Variants in KLF13 observed in about 807,000 individuals in gnomAD.
KLF13 encodes the protein Krueppel-like factor 13.
KLF13 carries 8 observed loss-of-function variants against 16.7 expected under a neutral mutation model. The observed-to-expected ratio is 0.48, with a 90% CI of 0.28 to 0.87. The LOEUF is 0.87. Ranked by LOEUF, KLF13 falls within the 40% of genes least tolerant of loss-of-function variation. KLF13 has a pLI of 0.10. For missense variants in KLF13, 447 were observed against 452.2 expected (o/e 0.99, Z 0.10); for synonymous variants, 245 against 208.4 (o/e 1.18, Z -1.51).
chr15:31,338,573 C>G (rs888360116), intron 1 of KLF13, among the ~76,000 whole-genome samples: 2 of 152,138 alleles, frequency 1.3e-5, no homozygotes, highest in African/African-American at 4.8e-5. Context: ...CAGTGCGTGC[C>G]CAGCCGTGGC....
downstream of KLF13, among the ~76,000 whole-genome samples, chr15:31,405,207 T>G (rs1278957386): frequency 6.6e-6 from 1 of 152,018 alleles, no homozygotes; most frequent in Admixed American, 6.6e-5. Context: ...CCAGCTACTC[T>G]GGAGGCTGAG....
At chr15:31,328,096 C>A (rs903230965) in intron 1 of KLF13, among the ~76,000 whole-genome samples, 2 of 149,318 alleles carry the variant, frequency 1.3e-5, no homozygotes, top group Non-Finnish European at 3.0e-5. Flanking sequence ...GCGGGGACCC[C>A]TCCCGGCCGG....
chr15:31,385,332 G>A (rs1184425123), intron 1 of KLF13, among the ~76,000 whole-genome samples: 7 of 152,252 alleles, frequency 4.6e-5, no homozygotes, highest in Non-Finnish European at 7.3e-5. Flanking sequence ...AGGTGACTGA[G>A]AGGGGCCCAA....
intron 1 of KLF13, among the ~76,000 whole-genome samples, chr15:31,387,481 C>A (rs1307101655): frequency 6.6e-6 from 1 of 152,200 alleles, no homozygotes; most frequent in Admixed American, 6.5e-5. Context: ...ACTTAATAGG[C>A]TACAGTATAG....
chr15:31,385,177 C>T (rs1027913399), intron 1 of KLF13, among the ~76,000 whole-genome samples: 1 of 152,200 alleles, frequency 6.6e-6, no homozygotes, highest in African/African-American at 2.4e-5. Flanking sequence ...TTGGACTTCC[C>T]TGCCTCTAGA....
chr15:31,387,291 C>CA (rs763878411), intron 1 of KLF13, among the ~76,000 whole-genome samples: 58 of 152,284 alleles, frequency 3.8e-4, no homozygotes, highest in Non-Finnish European at 3.8e-4. Flanking sequence ...CACAGCCACC[C>CA]AAACCTCAGC....
intron 1 of KLF13, among the ~76,000 whole-genome samples, chr15:31,430,540 C>T (rs1279179924): frequency 6.6e-6 from 1 of 152,110 alleles, no homozygotes; most frequent in Non-Finnish European, 1.5e-5. Context: ...GAGTAAAATA[C>T]CCTTGAAAAC....
chr15:31,342,521 G>A (rs1345509147), intron 1 of KLF13, among the ~76,000 whole-genome samples: 2 of 152,204 alleles, frequency 1.3e-5, no homozygotes, highest in Non-Finnish European at 2.9e-5. Context: ...TCCTTCAAGT[G>A]GGGCGAGCTC....
chr15:31,340,186 G>C (rs2038998458), intron 1 of KLF13, among the ~76,000 whole-genome samples: 1 of 152,248 alleles, frequency 6.6e-6, no homozygotes, highest in Admixed American at 6.5e-5. Flanking sequence ...GTTGGGCTGG[G>C]CTGCCTTGTG....
At position 31,373,305 on chromosome 15, in the gene KLF13, G is replaced by A. The variant is rs966692482; in HGVS notation, c.*1006G>A. 3 of 152,294 alleles carry A rather than the reference G, an allele frequency of 2.0e-5. No individual in the cohort carries two copies. Among genetic ancestry groups the A allele is most frequent in the African/African-American group, 4.8e-5 (2 of 41,478 alleles). 9.4% of individuals were successfully genotyped at this position (152,294 alleles called of 1,614,324 possible). ...TCCTCATCAGAGGGTCTGTGTGAGC[G>A]GCTGTGCATGTGGCAGCGCACCATG... On this transcript the variant is annotated 3_prime_UTR_variant, in exon 2 of 2. Transcript: ENST00000307145.
At chr15:31,355,767 T>A (rs1595468643) in intron 1 of KLF13, among the ~76,000 whole-genome samples, 1 of 152,000 alleles carries the variant, frequency 6.6e-6, no homozygotes, top group East Asian at 1.9e-4. Flanking sequence ...CGTGTTTCTT[T>A]CCCTTAGACT....
intron 1 of KLF13, among the ~76,000 whole-genome samples, chr15:31,356,100 C>T (rs749099310): frequency 3.3e-5 from 5 of 152,202 alleles, no homozygotes; most frequent in South Asian, 2.1e-4. Flanking sequence ...TTGCATGTCA[C>T]GGGGTTTGAT....
Position 31,358,103 on chromosome 15 carries a change from G to A in KLF13, c.578-13907G>A, listed in dbSNP as rs547752118. ...GTAAGGTAAGCACTAGGTAGGGGGC[G>A]GCTGAGAGTTGTCCAGCTGTTGGGC... On this transcript the variant is annotated intron_variant, in intron 1 of 1. Transcript: ENST00000307145. Among the ~76,000 whole-genome samples, 7 of 152,236 alleles carry A rather than the reference G, an allele frequency of 4.6e-5. No homozygotes were observed. In the East Asian group the frequency reaches 9.6e-4, roughly 21 times the overall value.
intron 1 of KLF13, among the ~76,000 whole-genome samples, chr15:31,345,441 C>T (rs1490534037): frequency 6.6e-6 from 1 of 152,210 alleles, no homozygotes; most frequent in African/African-American, 2.4e-5. Context: ...CTTTCCCATT[C>T]GGGCACCTGC....
intron 1 of KLF13, among the ~76,000 whole-genome samples, chr15:31,333,102 G>C (rs867691383): frequency 6.6e-6 from 1 of 152,194 alleles, no homozygotes; most frequent in East Asian, 1.9e-4. Context: ...AAGACTTCCA[G>C]ACTGTTTGCT....
downstream of KLF13, among the ~76,000 whole-genome samples, chr15:31,406,614 A>G (rs2040132495): frequency 6.6e-6 from 1 of 152,236 alleles, no homozygotes; most frequent in Admixed American, 6.5e-5. Flanking sequence ...AATGGCTTGC[A>G]ACAATATAAA....
chr15:31,391,708 A>AGGGGGGCTGT (rs879748037), upstream of KLF13, among the ~76,000 whole-genome samples: 5 of 107,470 alleles, frequency 4.7e-5, no homozygotes, highest in East Asian at 3.2e-4. Context: ...GGGGCTCTGT[A>AGGGGGGCTGT]GGGGGGCTGT....
At chr15:31,350,890 GAGTA>G (rs1350185868) in intron 1 of KLF13, among the ~76,000 whole-genome samples, 2 of 152,246 alleles carry the variant, frequency 1.3e-5, no homozygotes, top group Admixed American at 6.5e-5. Flanking sequence ...CAGCAGTTTT[GAGTA>G]AGTAAGGAGC....
chr15:31,434,934 G>A (rs566305781), intron 1 of KLF13, among the ~76,000 whole-genome samples: 5 of 152,296 alleles, frequency 3.3e-5, no homozygotes, highest in South Asian at 2.1e-4. Flanking sequence ...AAGTGCTGGC[G>A]GGGGCCGGGG....
Sources: gnomAD v4.1 joint callset for allele counts (sites outside exome capture counted in the v4.1 genomes callset) on GRCh38, gnomAD v4.1.1 for gene constraint, MANE v1.5 for transcripts, NCBI Gene and HGNC (gene_info 2026-07-23, HGNC 2026-07-21) for gene names.